TRPS1: variants seen among roughly 807,000 people sequenced by gnomAD.
TRPS1 encodes zinc finger transcription factor Trps1.
TRPS1 carries 6 observed loss-of-function variants against 101.2 expected under a neutral mutation model. The ratio of observed to expected loss-of-function variants is 0.06; its 90% confidence interval spans 0.03 to 0.12. The LOEUF (loss-of-function observed/expected upper bound fraction) is 0.12, where lower values mean the gene tolerates loss of function less well. Ranked by LOEUF, TRPS1 falls within the 10% of genes least tolerant of loss-of-function variation. TRPS1 has a pLI of 1.00. For synonymous variants in TRPS1, 578 were observed against 589.8 expected (o/e 0.98, Z 0.29); for missense variants, 1,363 against 1,567.0 (o/e 0.87, Z 2.20).
intron 5 of TRPS1, among the ~76,000 whole-genome samples, chr8:115,491,045 C>T (rs1243189735): frequency 6.6e-6 from 1 of 152,144 alleles, no homozygotes; most frequent in Non-Finnish European, 1.5e-5. Flanking sequence ...ATTTTGTACT[C>T]AGGATGTCAG....
chr8:115,450,314 A>C (rs1206552701), intron 5 of TRPS1, among the ~76,000 whole-genome samples: 2 of 152,174 alleles, frequency 1.3e-5, no homozygotes, highest in Admixed American at 1.3e-4. Context: ...CCATACTCAG[A>C]GTCCTTCTGT....
intron 5 of TRPS1, among the ~76,000 whole-genome samples, chr8:115,425,016 T>C (rs373516484): frequency 1.3e-5 from 2 of 152,292 alleles, no homozygotes; most frequent in East Asian, 1.9e-4. Context: ...GTAGACCCTA[T>C]GGAATATACT....
At chr8:115,667,486 G>A (rs567085693) in intron 1 of TRPS1, among the ~76,000 whole-genome samples, 11 of 152,284 alleles carry the variant, frequency 7.2e-5, no homozygotes, top group African/African-American at 2.6e-4. Flanking sequence ...TGTCCGCTTG[G>A]ATGTCCCACC....
In TRPS1 at chr8:115,619,930, T is replaced by C. The variant is rs1340567111; in HGVS notation, c.168A>G (p.Ser56=). ...KNKEFSADQM[S]ENTDQSDAAE... ...CAGCATCACTCTGATCCGTATTTTC[T>C]GACATCTGATCTGCAGAAAATTCTT... The change falls in exon 3 of 7, where the codon TCA becomes TCG. Residue 56 remains serine, a synonymous_variant. Transcript: ENST00000395715. 1 of 1,614,224 alleles carries C rather than the reference T, an allele frequency of 6.2e-7. No homozygotes were observed. The highest frequency in any genetic ancestry group is 1.7e-5 in the Admixed American group (1 of 60,020).
chr8:115,451,099 G>A (rs75930879), intron 5 of TRPS1, among the ~76,000 whole-genome samples: 2,032 of 152,198 alleles, frequency 0.013, 43 homozygotes, highest in African/African-American at 0.046. Flanking sequence ...CAAAGATGAC[G>A]TGACATAATA....
chr8:115,509,654 T>G (rs942591708), intron 5 of TRPS1: 3 of 152,032 alleles, frequency 2.0e-5, no homozygotes, highest in Non-Finnish European at 4.4e-5. Flanking sequence ...TGAAAGAAGT[T>G]GATCCATTTT....
chr8:115,554,513 G>A (rs1410395740), intron 5 of TRPS1, among the ~76,000 whole-genome samples: 2 of 152,120 alleles, frequency 1.3e-5, no homozygotes, highest in Non-Finnish European at 2.9e-5. Flanking sequence ...GATTCAGGGT[G>A]ACAAAACTGA....
chr8:115,660,935 C>A (rs1811778410), intron 1 of TRPS1, among the ~76,000 whole-genome samples: 1 of 151,846 alleles, frequency 6.6e-6, no homozygotes, highest in Non-Finnish European at 1.5e-5. Flanking sequence ...GAATCCATCA[C>A]CCTAGGGAAA....
intron 5 of TRPS1, among the ~76,000 whole-genome samples, chr8:115,479,734 A>G (rs181465452): frequency 2.4e-3 from 361 of 152,320 alleles, no homozygotes; most frequent in African/African-American, 8.4e-3. Context: ...AATAAGTAGC[A>G]AAGGAAAGTT....
chr8:115,466,775 A>C (rs1428091921), intron 5 of TRPS1, among the ~76,000 whole-genome samples: 1 of 152,166 alleles, frequency 6.6e-6, no homozygotes, highest in Non-Finnish European at 1.5e-5. Flanking sequence ...ACACCTTTGC[A>C]AATTCTAAAA....
intron 5 of TRPS1, among the ~76,000 whole-genome samples, chr8:115,506,784 A>G (rs1346106804): frequency 6.6e-6 from 1 of 152,098 alleles, no homozygotes; most frequent in Non-Finnish European, 1.5e-5. Flanking sequence ...CATTTGTAAA[A>G]TGTTCACAAT....
rs924093401 is a variant in TRPS1 at position 115,628,766 on chromosome 8, C to T, written c.-121-5008G>A. Among the ~76,000 whole-genome samples the T allele has an allele frequency of 5.3e-5, 8 of 151,698 alleles. No homozygotes were observed. In the East Asian group the frequency reaches 5.8e-4, roughly 11 times the overall value. ...CTAAGCTCTGCCTGGGATTTTAATA[C>T]GGTAACTGTTTAAGCATAGATGACA... On this transcript the variant is annotated intron_variant, in intron 1 of 6. Transcript: ENST00000395715.
At chr8:115,488,442 G>A (rs1814940196) in intron 5 of TRPS1, among the ~76,000 whole-genome samples, 1 of 152,130 alleles carries the variant, frequency 6.6e-6, no homozygotes, top group Non-Finnish European at 1.5e-5. Flanking sequence ...TGTAATCCCA[G>A]CCCTTTGGGA....
At chr8:115,584,292 T>C (rs948918531) in intron 5 of TRPS1, among the ~76,000 whole-genome samples, 2 of 152,026 alleles carry the variant, frequency 1.3e-5, no homozygotes, top group Non-Finnish European at 2.9e-5. Flanking sequence ...TGTATTAATA[T>C]ACTTGCTCTA....
chr8:115,644,594 TG>T (rs1372900427), intron 1 of TRPS1, among the ~76,000 whole-genome samples: 2 of 152,248 alleles, frequency 1.3e-5, no homozygotes, highest in Non-Finnish European at 2.9e-5. Flanking sequence ...TTATCATGTG[TG>T]TGTTCAACAG....
rs981727130 is a variant in TRPS1 at position 115,410,464 on chromosome 8, T to C, written c.*3559A>G. 6.6e-6 allele frequency: 1 copy of C among 152,456 alleles called. No individual in the cohort carries two copies. The highest frequency in any genetic ancestry group is 6.6e-5 in the Admixed American group (1 of 15,234). The allele number at this position is 152,456 out of a possible 1,614,324, so 9.4% of individuals were successfully genotyped here. A position where few individuals can be genotyped will look rare whatever the true frequency, so the allele number is the denominator to read the frequency against. ...AAACAGAACAGTTTAGAACAGAACA[T>C]CACTATCTTAAAAGTTGATTAAAAA... is the stretch of plus-strand genomic sequence containing the variant. On this transcript the variant is annotated 3_prime_UTR_variant, in exon 7 of 7. Coordinates refer to ENST00000395715, the MANE Select transcript of TRPS1 (RefSeq NM_014112.5).
chr8:115,443,367 C>T (rs1025192684), intron 5 of TRPS1, among the ~76,000 whole-genome samples: 13 of 152,198 alleles, frequency 8.5e-5, no homozygotes, highest in Non-Finnish European at 1.8e-4. Context: ...CATTTTCTCA[C>T]ATGGCAAGAC....
At chr8:115,441,050 T>C (rs983512041) in intron 5 of TRPS1, among the ~76,000 whole-genome samples, 13 of 152,360 alleles carry the variant, frequency 8.5e-5, no homozygotes, top group East Asian at 1.9e-4. Context: ...CAATTTTTGA[T>C]ATATCCAACC....
intron 5 of TRPS1, among the ~76,000 whole-genome samples, chr8:115,512,304 AT>A (rs1182743534): frequency 1.3e-5 from 2 of 151,740 alleles, no homozygotes; most frequent in Non-Finnish European, 3.0e-5. Flanking sequence ...AAAAATCTGC[AT>A]TCCTTAGGAA....
Sources: gnomAD v4.1 joint callset for allele counts (sites outside exome capture counted in the v4.1 genomes callset) on GRCh38, gnomAD v4.1.1 for gene constraint, MANE v1.5 for transcripts, NCBI Gene and HGNC (gene_info 2026-07-23, HGNC 2026-07-21) for gene names.